Variants in GALNT13 observed in about 807,000 individuals in gnomAD.
GALNT13 encodes the protein polypeptide N-acetylgalactosaminyltransferase 13.
Under a neutral mutation model 64.2 loss-of-function variants are expected in GALNT13, and 28 were observed. That is an observed-to-expected ratio of 0.44 (90% CI 0.32 to 0.60). GALNT13 has a LOEUF of 0.60. Ranked by LOEUF, GALNT13 falls within the 20% of genes least tolerant of loss-of-function variation. GALNT13 has a pLI of 0.05. For synonymous variants in GALNT13, 214 were observed against 224.6 expected (o/e 0.95, Z 0.42); for missense variants, 577 against 669.8 (o/e 0.86, Z 1.53).
intron 2 of GALNT13, among the ~76,000 whole-genome samples, chr2:153,908,588 C>T (rs1688735396): frequency 6.6e-6 from 1 of 151,992 alleles, no homozygotes; most frequent in Non-Finnish European, 1.5e-5. Flanking sequence ...AGAAGGAGTC[C>T]AGTTTCAATC....
the GALNT13 span, among the ~76,000 whole-genome samples, chr2:153,296,300 CA>C: frequency 1.3e-5 from 2 of 152,002 alleles, no homozygotes; most frequent in Non-Finnish European, 2.9e-5. Flanking sequence ...TTTCTGTTTC[CA>C]AAACTGTAAT....
the GALNT13 span, among the ~76,000 whole-genome samples, chr2:153,250,938 A>G: frequency 1.3e-5 from 2 of 152,118 alleles, no homozygotes; most frequent in Admixed American, 6.5e-5. Flanking sequence ...CAGGGCTTAA[A>G]ACCTAGATGA....
At chr2:153,778,038 C>A in the GALNT13 span, among the ~76,000 whole-genome samples, 1 of 152,190 alleles carries the variant, frequency 6.6e-6, no homozygotes, top group African/African-American at 2.4e-5. Context: ...AGTTGGGCCA[C>A]TTAGCTGCCC....
intron 3 of GALNT13, among the ~76,000 whole-genome samples, chr2:154,020,819 T>A (rs1697408810): frequency 6.6e-6 from 1 of 152,000 alleles, no homozygotes; most frequent in Non-Finnish European, 1.5e-5. Context: ...TCTTCTAGGG[T>A]TTTTATGGTT....
the GALNT13 span, among the ~76,000 whole-genome samples, chr2:153,672,175 T>C: frequency 4.6e-5 from 7 of 152,236 alleles, no homozygotes; most frequent in African/African-American, 1.7e-4. Flanking sequence ...TATCTAGGAC[T>C]TGAACTCAGC....
the GALNT13 span, among the ~76,000 whole-genome samples, chr2:153,545,716 G>A: frequency 6.6e-6 from 1 of 152,168 alleles, no homozygotes; most frequent in African/African-American, 2.4e-5. Context: ...CAAGGGTTGA[G>A]GTTATGCCCC....
At chr2:154,302,284 TAAAAC>T (rs980978654) in intron 9 of GALNT13, among the ~76,000 whole-genome samples, 2 of 151,828 alleles carry the variant, frequency 1.3e-5, no homozygotes, top group African/African-American at 2.4e-5. Flanking sequence ...CTACATTACT[TAAAAC>T]AAAAAAAGCC....
the GALNT13 span, among the ~76,000 whole-genome samples, chr2:153,829,109 T>A: frequency 6.6e-6 from 1 of 152,130 alleles, no homozygotes; most frequent in African/African-American, 2.4e-5. Flanking sequence ...TCAACAAGTA[T>A]CTAGGGAGTT....
At chr2:154,030,064 T>C (rs979709421) in intron 3 of GALNT13, among the ~76,000 whole-genome samples, 45 of 152,092 alleles carry the variant, frequency 3.0e-4, no homozygotes, top group African/African-American at 1.1e-3. Flanking sequence ...TAATCCCAGA[T>C]GGAGAAACAG....
intron 7 of GALNT13, among the ~76,000 whole-genome samples, chr2:154,247,353 A>T (rs531444807): frequency 1.3e-5 from 2 of 152,146 alleles, no homozygotes; most frequent in African/African-American, 4.8e-5. Flanking sequence ...TATTTTCCCA[A>T]ATTGTTTTCA....
At chr2:154,389,686 T>C (rs1214893271) in intron 9 of GALNT13, among the ~76,000 whole-genome samples, 1 of 152,158 alleles carries the variant, frequency 6.6e-6, no homozygotes, top group Non-Finnish European at 1.5e-5. Flanking sequence ...AGAAGTCCAA[T>C]CCCTGAGACA....
intron 9 of GALNT13, among the ~76,000 whole-genome samples, chr2:154,387,548 T>C (rs908274136): frequency 1.3e-5 from 2 of 152,142 alleles, no homozygotes; most frequent in Non-Finnish European, 2.9e-5. Flanking sequence ...TGAAATTTTA[T>C]AGTCTTTGAT....
the GALNT13 span, among the ~76,000 whole-genome samples, chr2:153,084,154 T>A: frequency 4.7e-3 from 720 of 152,320 alleles, 10 homozygotes; most frequent in African/African-American, 0.016. Flanking sequence ...ATAGTATAAT[T>A]TGAAGTTGGA....
intron 9 of GALNT13, among the ~76,000 whole-genome samples, chr2:154,349,316 TA>T (rs1696253377): frequency 1.3e-5 from 2 of 152,232 alleles, no homozygotes; most frequent in African/African-American, 2.4e-5. Flanking sequence ...ACAACTGTTT[TA>T]ACTGGTTTAC....
chr2:153,798,829 C>G, the GALNT13 span, among the ~76,000 whole-genome samples: 1 of 152,208 alleles, frequency 6.6e-6, no homozygotes, highest in African/African-American at 2.4e-5. Context: ...GGTTTTACTA[C>G]CTTTTACTTA....
chr2:153,985,270 C>G (rs1465077938), intron 3 of GALNT13, among the ~76,000 whole-genome samples: 1 of 152,014 alleles, frequency 6.6e-6, no homozygotes, highest in African/African-American at 2.4e-5. Flanking sequence ...TTACATCCTA[C>G]TTAACTCGTC....
chr2:153,533,710 T>A, the GALNT13 span, among the ~76,000 whole-genome samples: 2 of 148,030 alleles, frequency 1.4e-5, no homozygotes, highest in Non-Finnish European at 3.0e-5. Context: ...TACTTTGATA[T>A]CCTGAGGTTT....
chr2:154,153,771 T>A (rs1265129026), intron 4 of GALNT13, among the ~76,000 whole-genome samples: 1 of 152,244 alleles, frequency 6.6e-6, no homozygotes, highest in Non-Finnish European at 1.5e-5. Context: ...TGCCGTTTTT[T>A]AAGCCCATTG....
At chr2:154,443,604 AT>A (rs1023133531) in intron 12 of GALNT13, among the ~76,000 whole-genome samples, 1 of 151,946 alleles carries the variant, frequency 6.6e-6, no homozygotes, top group East Asian at 1.9e-4. Flanking sequence ...TAAAATATCT[AT>A]TTTTTTAAAT....
Sources: allele counts gnomAD v4.1 joint callset (sites outside exome capture counted in the v4.1 genomes callset), GRCh38; gene constraint gnomAD v4.1.1; transcripts MANE v1.5; gene names NCBI Gene and HGNC (gene_info 2026-07-23, HGNC 2026-07-21).